Variants in DCAF4 observed in about 807,000 individuals in gnomAD.
DCAF4 encodes the protein DDB1- and CUL4-associated factor 4.
In DCAF4, 37 loss-of-function variants were observed where a neutral mutation model predicts 60.9. The observed-to-expected ratio is 0.61, with a 90% CI of 0.47 to 0.80. DCAF4 has a LOEUF of 0.80. Ranked by LOEUF, DCAF4 falls within the 30% of genes least tolerant of loss-of-function variation. The probability of loss-of-function intolerance (pLI) is 0.00; values close to 1 mark genes in which losing one functional copy is unlikely to be tolerated. For synonymous variants in DCAF4, 243 were observed against 254.8 expected, an observed-to-expected ratio of 0.95 and a Z score of 0.44; for missense variants, 577 against 650.0, an observed-to-expected ratio of 0.89 and a Z score of 1.22.
intron 9 of DCAF4, 151 bp from the exon 10 acceptor site, chr14:72,954,013 G>A: frequency 1.3e-6 from 1 of 753,724 alleles, no homozygotes; most frequent in Non-Finnish European, 2.2e-6. Flanking sequence ...CATCCCAGCT[G>A]AGTCTCTCTT....
At chr14:72,959,725 C>T (rs1892721139), downstream of DCAF4, 1 of 929,840 alleles carries the variant, frequency 1.1e-6, no homozygotes, top group Non-Finnish European at 1.3e-6. Flanking sequence ...TCATAGCCTT[C>T]CTGGAGAGCT....
intron 8 of DCAF4, among the ~76,000 whole-genome samples, chr14:72,947,828 C>A (rs1890933969): frequency 6.6e-6 from 1 of 152,160 alleles, no homozygotes. Flanking sequence ...TCTCTGCCTT[C>A]CCGGAGAGCA....
At chr14:72,944,587 G>GT (rs1890478023) in intron 6 of DCAF4, among the ~76,000 whole-genome samples, 1 of 152,174 alleles carries the variant, frequency 6.6e-6, no homozygotes, top group African/African-American at 2.4e-5. Context: ...GAGCCCAAAA[G>GT]TTTGAGACCA....
intron 3 of DCAF4, 124 bp from the exon 4 acceptor site, chr14:72,940,096 A>G: frequency 7.3e-6 from 10 of 1,370,560 alleles, no homozygotes; most frequent in Non-Finnish European, 1.0e-5. Context: ...CTGACAAGGC[A>G]GCTCATCCCC....
intron 5 of DCAF4, 88 bp downstream of exon 5, chr14:72,941,912 G>C: frequency 7.1e-7 from 1 of 1,418,346 alleles, no homozygotes; most frequent in African/African-American, 1.4e-5. Context: ...AGTCTGGATA[G>C]ACCATGTGGC....
intron 1 of DCAF4, among the ~76,000 whole-genome samples, chr14:72,931,754 C>T (rs1450017019): frequency 6.6e-6 from 1 of 151,970 alleles, no homozygotes; most frequent in African/African-American, 2.4e-5. Context: ...TGCATTTTGT[C>T]CAGTGCTTTT....
intron 9 of DCAF4, among the ~76,000 whole-genome samples, chr14:72,953,675 A>C (rs1053441415): frequency 2.3e-5 from 3 of 132,980 alleles, no homozygotes; most frequent in Non-Finnish European, 3.1e-5. Context: ...ACGCCACTGC[A>C]CTCCAGACTG....
At chr14:72,941,032 C>T (rs576189234) in intron 4 of DCAF4, among the ~76,000 whole-genome samples, 1 of 151,790 alleles carries the variant, frequency 6.6e-6, no homozygotes, top group Non-Finnish European at 1.5e-5. Context: ...GGCGCCATCT[C>T]GGCTCACTGC....
At chr14:72,946,283 TGCTTGGGG>T (rs142053749) in intron 7 of DCAF4, among the ~76,000 whole-genome samples, 1,938 of 150,702 alleles carry the variant, frequency 0.013, 42 homozygotes, top group African/African-American at 0.043. Context: ...TAGTCCCAGC[TGCTTGGGG>T]GCTCGGGGGG....
At chr14:72,942,938 ATCT>A (rs1313112834) in intron 5 of DCAF4, 53 bp from the exon 6 acceptor site, 26 of 1,564,036 alleles carry the variant, frequency 1.7e-5, no homozygotes, top group Non-Finnish European at 2.2e-5. Flanking sequence ...AGACCCCCGA[ATCT>A]TCTTCATGGA....
At chr14:72,954,542 G>C in intron 11 of DCAF4, 59 bp downstream of exon 11, 2 of 1,532,222 alleles carry the variant, frequency 1.3e-6, no homozygotes, top group South Asian at 1.1e-5. Context: ...AATTTGGCCA[G>C]ATTGAAATTG....
chr14:72,952,568 T>G (rs1032697418), intron 9 of DCAF4, among the ~76,000 whole-genome samples: 1 of 152,198 alleles, frequency 6.6e-6, no homozygotes, highest in Non-Finnish European at 1.5e-5. Context: ...TCAGAATTTG[T>G]CTTACAAAAG....
chr14:72,943,109 G>A lies in DCAF4; in HGVS notation c.534+13G>A. ...TAACCTCATACTGGTGAGTGGGAGG[G>A]GGACACCTGCCTAGGGTGTGGCTGC... On this transcript the variant is annotated intron_variant, in intron 6 of 13. Transcript: ENST00000358377. The A allele has an allele frequency of 6.2e-7, 1 of 1,610,250 alleles. No homozygotes were observed. The highest frequency in any genetic ancestry group is 8.5e-7 in the Non-Finnish European group (1 of 1,176,498).
At chr14:72,949,927 G>A (rs578042846) in intron 8 of DCAF4, among the ~76,000 whole-genome samples, 64 of 152,212 alleles carry the variant, frequency 4.2e-4, no homozygotes, top group Non-Finnish European at 7.6e-4. Context: ...AGTCCTCAGT[G>A]TAGGAGGAAA....
chr14:72,956,529 C>G, intron 13 of DCAF4, 29 bp downstream of exon 13: 5 of 1,584,616 alleles, frequency 3.2e-6, no homozygotes, highest in Non-Finnish European at 4.3e-6. Context: ...GGAAGTTCCA[C>G]CCCATCAAAT....
At chr14:72,932,843 G>C (rs1404199661) in intron 1 of DCAF4, among the ~76,000 whole-genome samples, 1 of 152,012 alleles carries the variant, frequency 6.6e-6, no homozygotes, top group Non-Finnish European at 1.5e-5. Context: ...AGTTGGAACT[G>C]CAAGTGTGAG....
At chr14:72,959,719 A>G, downstream of DCAF4, 1 of 950,440 alleles carries the variant, frequency 1.1e-6, no homozygotes, top group African/African-American at 1.8e-5. Flanking sequence ...CAGCTTTCAT[A>G]GCCTTCCTGG....
intron 7 of DCAF4, 89 bp downstream of exon 7, chr14:72,946,116 A>T: frequency 6.7e-7 from 1 of 1,489,770 alleles, no homozygotes; most frequent in Middle Eastern, 1.7e-4. Flanking sequence ...ACTGGGGAAG[A>T]GGGCAGAGCA....
chr14:72,940,588 G>GTTTTTTT (rs750585266), intron 4 of DCAF4: 6 of 276,552 alleles, frequency 2.2e-5, no homozygotes, highest in East Asian at 9.7e-5. Context: ...TGTTCGATAA[G>GTTTTTTT]TTGTTTTTTT....
Sources: allele counts gnomAD v4.1 joint callset (sites outside exome capture counted in the v4.1 genomes callset), GRCh38; gene constraint gnomAD v4.1.1; transcripts MANE v1.5; gene names NCBI Gene and HGNC (gene_info 2026-07-23, HGNC 2026-07-21).